The following STPG2 variants were observed in gnomAD, a reference collection of about 807,000 sequenced individuals.
STPG2 encodes the protein sperm-tail PG-rich repeat-containing protein 2.
Under a neutral mutation model 54.2 loss-of-function variants are expected in STPG2, and 56 were observed. The observed-to-expected ratio is 1.03, with a 90% CI of 0.83 to 1.29. STPG2 has a LOEUF of 1.29. Ranked by LOEUF, STPG2 falls within the 50% of genes most tolerant of loss-of-function variation. The pLI is 0.00. For synonymous variants in STPG2, 200 were observed against 181.8 expected, an observed-to-expected ratio of 1.10 and a Z score of -0.81; for missense variants, 596 against 544.9, an observed-to-expected ratio of 1.09 and a Z score of -0.93.
intron 8 of STPG2, among the ~76,000 whole-genome samples, chr4:97,865,853 A>T (rs540041957): frequency 1.2e-3 from 177 of 151,862 alleles, no homozygotes; most frequent in Non-Finnish European, 1.8e-3. Flanking sequence ...GTATAATAAA[A>T]ATATATATAT....
intron 10 of STPG2, among the ~76,000 whole-genome samples, chr4:97,664,920 C>A (rs985862924): frequency 1.3e-5 from 2 of 151,916 alleles, no homozygotes; most frequent in African/African-American, 4.8e-5. Context: ...AGTGAGCAAG[C>A]GTGGGGTCCA....
intron 10 of STPG2, 88 bp downstream of exon 10, chr4:97,712,611 G>T: frequency 1.2e-6 from 1 of 848,730 alleles, no homozygotes; most frequent in Middle Eastern, 2.5e-4. Context: ...TAAAATATAT[G>T]GAAAGGACTT....
intron 9 of STPG2, among the ~76,000 whole-genome samples, chr4:97,796,532 A>G (rs2149085143): frequency 6.6e-6 from 1 of 152,210 alleles, no homozygotes; most frequent in Middle Eastern, 3.4e-3. Flanking sequence ...ATTATTTCTG[A>G]GGGCTCTGTT....
intron 8 of STPG2, among the ~76,000 whole-genome samples, chr4:97,936,712 C>G (rs1356984824): frequency 2.6e-5 from 4 of 152,214 alleles, no homozygotes; most frequent in Admixed American, 1.3e-4. Context: ...GGCCCCCACT[C>G]TCTTCTGGCT....
At chr4:97,559,955 C>A (rs1055137172) in intron 10 of STPG2, among the ~76,000 whole-genome samples, 2 of 152,150 alleles carry the variant, frequency 1.3e-5, no homozygotes, top group South Asian at 4.1e-4. Flanking sequence ...CCTTCCTCAA[C>A]TGATGCAAGT....
At chr4:97,580,961 G>GA (rs1264722306) in intron 10 of STPG2, among the ~76,000 whole-genome samples, 16 of 151,902 alleles carry the variant, frequency 1.1e-4, no homozygotes, top group Non-Finnish European at 1.5e-4. Flanking sequence ...TTTTTAATCA[G>GA]AAAAAATACA....
Position 97,499,947 on chromosome 4 carries a change from ATTGTTGAGTAT to A in STPG2, c.462+212741_462+212751del, listed in dbSNP as rs570014736. Among the ~76,000 whole-genome samples the A allele has an allele frequency of 1.2e-4, 19 of 152,090 alleles. No individual in the cohort carries two copies. In the East Asian group the frequency reaches 3.7e-3, roughly 30 times the overall value. ...AGGTCTATTGCATAGGCCTCATATC[ATTGTTGAGTAT>A]TTTAAGTTTTACATGCAGTGAGAAG... On this transcript the variant is annotated intron_variant, in intron 4 of 4. Transcript: ENST00000522676.
chr4:97,665,742 G>A (rs1427198602), intron 10 of STPG2, among the ~76,000 whole-genome samples: 1 of 152,112 alleles, frequency 6.6e-6, no homozygotes, highest in Admixed American at 6.5e-5. Context: ...GGTACCTGCA[G>A]ACCAGCACCA....
intron 8 of STPG2, among the ~76,000 whole-genome samples, chr4:97,892,726 A>G (rs1015321038): frequency 3.3e-5 from 5 of 152,204 alleles, no homozygotes; most frequent in African/African-American, 4.8e-5. Flanking sequence ...CACCAACCAC[A>G]GGGCTGCCTT....
intron 10 of STPG2, among the ~76,000 whole-genome samples, chr4:97,567,889 A>G (rs1487700542): frequency 2.0e-5 from 3 of 152,216 alleles, no homozygotes; most frequent in Non-Finnish European, 4.4e-5. Context: ...AAGAAACTGA[A>G]GAATGATAAA....
intron 8 of STPG2, among the ~76,000 whole-genome samples, chr4:97,939,349 C>CT (rs766823507): frequency 6.6e-6 from 1 of 152,024 alleles, no homozygotes; most frequent in Non-Finnish European, 1.5e-5. Context: ...TTGCATTTAA[C>CT]TCCTGAATAT....
chr4:97,527,116 A>G (rs1731298084), intron 4 of STPG2, among the ~76,000 whole-genome samples: 1 of 151,774 alleles, frequency 6.6e-6, no homozygotes, highest in Non-Finnish European at 1.5e-5. Flanking sequence ...CGTCATCAAC[A>G]TTAGGTATTT....
intron 5 of STPG2, among the ~76,000 whole-genome samples, chr4:97,992,066 A>G (rs1016606253): frequency 2.0e-5 from 3 of 151,036 alleles, no homozygotes; most frequent in African/African-American, 7.3e-5. Flanking sequence ...TACCCTGCTG[A>G]TTATTACTTT....
intron 4 of STPG2, among the ~76,000 whole-genome samples, chr4:97,529,865 A>G (rs898690414): frequency 2.0e-5 from 3 of 152,130 alleles, no homozygotes; most frequent in African/African-American, 4.8e-5. Context: ...TCAACTATCA[A>G]TTCCTCAAAG....
intron 5 of STPG2, among the ~76,000 whole-genome samples, chr4:98,045,546 C>T (rs1049637614): frequency 6.6e-6 from 1 of 152,094 alleles, no homozygotes; most frequent in Non-Finnish European, 1.5e-5. Context: ...GTGATAAACT[C>T]CCTTGGCTTT....
At chr4:98,020,549 G>C (rs1736145063) in intron 5 of STPG2, among the ~76,000 whole-genome samples, 1 of 152,096 alleles carries the variant, frequency 6.6e-6, no homozygotes, top group African/African-American at 2.4e-5. Context: ...AGTTAGCGAG[G>C]ATTCCCTCTT....
intron 4 of STPG2, among the ~76,000 whole-genome samples, chr4:97,502,650 A>T (rs888304270): frequency 7.9e-5 from 12 of 152,018 alleles, no homozygotes; most frequent in African/African-American, 2.9e-4. Flanking sequence ...AATGGTGGTA[A>T]ATATTGAATT....
intron 5 of STPG2, among the ~76,000 whole-genome samples, chr4:98,037,049 A>G (rs1736801193): frequency 6.6e-6 from 1 of 152,072 alleles, no homozygotes; most frequent in African/African-American, 2.4e-5. Flanking sequence ...TAATAGACAA[A>G]TATCTCTCCC....
At chr4:97,950,481 T>C (rs926860382) in intron 7 of STPG2, among the ~76,000 whole-genome samples, 1 of 152,218 alleles carries the variant, frequency 6.6e-6, no homozygotes, top group African/African-American at 2.4e-5. Flanking sequence ...TATCTCTTCA[T>C]TCATATGCTG....
Sources: gnomAD v4.1 joint callset for allele counts (sites outside exome capture counted in the v4.1 genomes callset) on GRCh38, gnomAD v4.1.1 for gene constraint, MANE v1.5 for transcripts, NCBI Gene and HGNC (gene_info 2026-07-23, HGNC 2026-07-21) for gene names.